ZNF385D: variants seen among roughly 807,000 people sequenced by gnomAD.
ZNF385D encodes zinc finger protein 385D, also known as zinc finger protein 659.
Under a neutral mutation model 35.8 loss-of-function variants are expected in ZNF385D, and 15 were observed. That is an observed-to-expected ratio of 0.42 (90% CI 0.28 to 0.64). The LOEUF is 0.64. Among genes scored for constraint, ZNF385D ranks in the 30% least tolerant of loss-of-function variants. The probability of loss-of-function intolerance (pLI) is 0.23; values close to 1 mark genes in which losing one functional copy is unlikely to be tolerated. For synonymous variants in ZNF385D, 212 were observed against 186.8 expected, an observed-to-expected ratio of 1.13 and a Z score of -1.10; for missense variants, 474 against 494.6, an observed-to-expected ratio of 0.96 and a Z score of 0.39.
At chr3:22,022,957 A>T (rs1186796100) in intron 3 of ZNF385D, among the ~76,000 whole-genome samples, 1 of 152,182 alleles carries the variant, frequency 6.6e-6, no homozygotes, top group Admixed American at 6.6e-5. Flanking sequence ...CAAAGTCCTG[A>T]AAATAAAAAT....
intron 2 of ZNF385D, among the ~76,000 whole-genome samples, chr3:22,201,266 A>C (rs1016736225): frequency 6.6e-6 from 1 of 152,128 alleles, no homozygotes; most frequent in Non-Finnish European, 1.5e-5. Context: ...CGGTCCCTTC[A>C]TTTGGGGTCC....
chr3:21,962,923 T>C (rs951011852), intron 3 of ZNF385D, among the ~76,000 whole-genome samples: 1 of 152,222 alleles, frequency 6.6e-6, no homozygotes, highest in African/African-American at 2.4e-5. Context: ...GACCATGTAA[T>C]AACACATTTT....
chr3:22,003,952 T>TA (rs35328334), intron 3 of ZNF385D, among the ~76,000 whole-genome samples: 76 of 148,866 alleles, frequency 5.1e-4, no homozygotes, highest in South Asian at 6.4e-4. Context: ...CAATCCTGAG[T>TA]AAAAAAAAAC....
intron 3 of ZNF385D, among the ~76,000 whole-genome samples, chr3:21,982,349 A>C (rs936367796): frequency 6.6e-6 from 1 of 151,912 alleles, no homozygotes; most frequent in African/African-American, 2.4e-5. Context: ...TGGCAATTGT[A>C]AGTAGAATCG....
At chr3:22,180,508 C>T (rs1160028113) in intron 2 of ZNF385D, among the ~76,000 whole-genome samples, 1 of 152,170 alleles carries the variant, frequency 6.6e-6, no homozygotes, top group Non-Finnish European at 1.5e-5. Context: ...ACCAATATCC[C>T]TGATGAACAT....
intron 3 of ZNF385D, among the ~76,000 whole-genome samples, chr3:21,825,372 T>C (rs1393504295): frequency 6.6e-6 from 1 of 152,232 alleles, no homozygotes; most frequent in African/African-American, 2.4e-5. Flanking sequence ...CCTCTCAAAT[T>C]ACTTTTAGTG....
At chr3:21,577,738 G>A (rs2063534840) in intron 2 of ZNF385D, among the ~76,000 whole-genome samples, 1 of 151,232 alleles carries the variant, frequency 6.6e-6, no homozygotes, top group South Asian at 2.1e-4. Context: ...TTGTGGCTTT[G>A]ATTTGCATTT....
intron 3 of ZNF385D, among the ~76,000 whole-genome samples, chr3:22,121,144 A>G (rs1237470607): frequency 6.6e-6 from 1 of 152,224 alleles, no homozygotes; most frequent in Non-Finnish European, 1.5e-5. Context: ...CTTCATCAGT[A>G]AAGCCAAAAT....
chr3:22,298,552 T>TAC lies in ZNF385D; in HGVS notation c.106+73896_106+73897dup, dbSNP rs562535043. On this transcript the variant is annotated intron_variant, in intron 2 of 5. Coordinates refer to the ZNF385D transcript ENST00000494108. ...TATATACATAAAACATTTATGTATA[T>TAC]ACACACATACACACACACACACATA... 1.3e-3 allele frequency among the ~76,000 whole-genome samples: 182 copies of TAC among 141,292 alleles called. 1 individual carries two copies. The highest frequency in any genetic ancestry group is 2.2e-3 in the Non-Finnish European group (146 of 65,734). The allele number at this position is 141,292 out of a possible 152,430, so 92.7% of individuals were successfully genotyped here.
intron 3 of ZNF385D, among the ~76,000 whole-genome samples, chr3:21,998,993 A>C (rs560858604): frequency 6.6e-6 from 1 of 152,310 alleles, no homozygotes; most frequent in African/African-American, 2.4e-5. Flanking sequence ...CATCCAATTG[A>C]GATAGTTTAC....
intron 2 of ZNF385D, among the ~76,000 whole-genome samples, chr3:22,169,904 C>A (rs900075135): frequency 6.6e-6 from 1 of 152,156 alleles, no homozygotes; most frequent in African/African-American, 2.4e-5. Context: ...AAGCAGTCCC[C>A]CCACTTTAGC....
At chr3:21,908,283 A>G (rs1203253891) in intron 3 of ZNF385D, among the ~76,000 whole-genome samples, 1 of 152,032 alleles carries the variant, frequency 6.6e-6, no homozygotes, top group African/African-American at 2.4e-5. Context: ...GGAAAAGAAA[A>G]ATATAATTCC....
intron 5 of ZNF385D, among the ~76,000 whole-genome samples, chr3:21,426,283 A>T (rs1701022246): frequency 6.6e-6 from 1 of 152,194 alleles, no homozygotes. Flanking sequence ...AAGCCCACAC[A>T]GGTGGGCTAT....
chr3:22,326,467 C>T (rs554793181), intron 2 of ZNF385D, among the ~76,000 whole-genome samples: 4 of 152,248 alleles, frequency 2.6e-5, no homozygotes, highest in South Asian at 4.1e-4. Flanking sequence ...CCTGTTATTT[C>T]GCATGCCTTG....
chr3:21,982,132 G>C (rs1263214344), intron 3 of ZNF385D, among the ~76,000 whole-genome samples: 2 of 149,448 alleles, frequency 1.3e-5, no homozygotes, highest in South Asian at 4.2e-4. Context: ...AGTTTGATAG[G>C]AGTAGCCCTG....
chr3:22,178,223 T>A (rs2125773871), intron 2 of ZNF385D, among the ~76,000 whole-genome samples: 3 of 152,338 alleles, frequency 2.0e-5, no homozygotes, highest in Non-Finnish European at 4.4e-5. Flanking sequence ...TGTTCCTATT[T>A]CTCCACATCC....
chr3:21,680,341 T>C (rs185183357), intron 1 of ZNF385D, among the ~76,000 whole-genome samples: 1 of 152,302 alleles, frequency 6.6e-6, no homozygotes, highest in Non-Finnish European at 1.5e-5. Flanking sequence ...CAAAACACTT[T>C]TTTTAAGTTC....
chr3:21,806,073 G>C (rs971804841), intron 3 of ZNF385D, among the ~76,000 whole-genome samples: 2 of 152,208 alleles, frequency 1.3e-5, no homozygotes, highest in Non-Finnish European at 2.9e-5. Context: ...ATGCATGTTA[G>C]CTAAACAGCA....
chr3:21,681,492 A>G (rs2066906458), intron 1 of ZNF385D, among the ~76,000 whole-genome samples: 1 of 151,754 alleles, frequency 6.6e-6, no homozygotes, highest in East Asian at 1.9e-4. Context: ...AGGAAATGGC[A>G]GGGCATACCT....
Sources: gnomAD v4.1 joint callset for allele counts (sites outside exome capture counted in the v4.1 genomes callset) on GRCh38, gnomAD v4.1.1 for gene constraint, MANE v1.5 for transcripts, NCBI Gene and HGNC (gene_info 2026-07-23, HGNC 2026-07-21) for gene names.